PTPRD: variants seen among roughly 807,000 people sequenced by gnomAD.
The protein encoded by PTPRD is receptor-type tyrosine-protein phosphatase delta.
In PTPRD, 34 loss-of-function variants were observed where a neutral mutation model predicts 214.5. The ratio of observed to expected loss-of-function variants is 0.16; its 90% CI spans 0.12 to 0.21. The LOEUF (loss-of-function observed/expected upper bound fraction) is 0.21, where lower values mean the gene tolerates loss of function less well. PTPRD is among the 10% of genes least tolerant of loss of function. PTPRD has a pLI of 1.00. For missense variants in PTPRD, 2,545 were observed against 2,398.7 expected (o/e 1.06, Z -1.27); for synonymous variants, 1,128 against 845.7 (o/e 1.33, Z -5.79).
rs79344097 is a variant in PTPRD at position 9,608,666 on chromosome 9, T to A, written c.-286-33885A>T. Among the ~76,000 whole-genome samples the A allele has an allele frequency of 5.9e-5, 9 of 152,296 alleles. No homozygotes were observed. The East Asian group carries it at 1.7e-3, about 29-fold the overall frequency. On this transcript the variant is annotated intron_variant, in intron 7 of 45. Coordinates refer to ENST00000381196, the MANE Select transcript of PTPRD (RefSeq NM_002839.4). The stretch of plus-strand genomic sequence containing the variant: ...CATTCTGGCATAGAATCCTTACAAT[T>A]TATGTTTTTTGTCTCTGCACCTACT...
intron 2 of PTPRD, among the ~76,000 whole-genome samples, chr9:10,350,597 G>T (rs1029682797): frequency 1.1e-4 from 17 of 152,014 alleles, no homozygotes; most frequent in African/African-American, 4.1e-4. Flanking sequence ...TGAAACAGAG[G>T]TGCCAAAAGA....
At chr9:9,826,296 A>C (rs2821510) in intron 5 of PTPRD, among the ~76,000 whole-genome samples, 74,962 of 151,484 alleles carry the variant, frequency 0.49, 19,592 homozygotes, top group East Asian at 0.9. Context: ...TCTTTTATCT[A>C]TATTTCTTTC....
chr9:9,869,458 C>G (rs2064874990), intron 5 of PTPRD, among the ~76,000 whole-genome samples: 1 of 152,112 alleles, frequency 6.6e-6, no homozygotes, highest in Non-Finnish European at 1.5e-5. Context: ...TCTGTGGACA[C>G]TACCTGGACT....
intron 39 of PTPRD, among the ~76,000 whole-genome samples, chr9:8,352,579 C>T (rs1199118825): frequency 6.6e-6 from 1 of 152,100 alleles, no homozygotes; most frequent in African/African-American, 2.4e-5. Context: ...ATCACATGGA[C>T]TACGTACAAC....
At chr9:10,087,665 A>G (rs573381698) in intron 3 of PTPRD, among the ~76,000 whole-genome samples, 1 of 151,696 alleles carries the variant, frequency 6.6e-6, no homozygotes, top group Admixed American at 6.6e-5. Context: ...TTAAGCATTC[A>G]TCTTGCTTTG....
intron 10 of PTPRD, among the ~76,000 whole-genome samples, chr9:9,180,794 C>G: frequency 6.6e-6 from 1 of 152,054 alleles, no homozygotes; most frequent in East Asian, 1.9e-4. Context: ...ATCTAATACC[C>G]TAAATAAAGT....
At chr9:10,334,630 T>G (rs985132450) in intron 3 of PTPRD, among the ~76,000 whole-genome samples, 2 of 151,474 alleles carry the variant, frequency 1.3e-5, no homozygotes, top group African/African-American at 2.4e-5. Context: ...CGTCTTTGCT[T>G]GCGGATGACA....
At chr9:8,344,598 A>G (rs1268233522) in intron 39 of PTPRD, among the ~76,000 whole-genome samples, 1 of 152,046 alleles carries the variant, frequency 6.6e-6, no homozygotes, top group Non-Finnish European at 1.5e-5. Context: ...TAACTGCCCA[A>G]TCCTGCTATT....
rs932615272 is a variant in PTPRD at position 8,458,859 on chromosome 9, G to A, written c.3875+1552C>T. Among the ~76,000 whole-genome samples the A allele has an allele frequency of 7.2e-5, 11 of 151,890 alleles. No individual in the cohort carries two copies. The South Asian group carries it at 1.9e-3, about 26-fold the overall frequency. On this transcript the variant is annotated intron_variant, in intron 33 of 45. Transcript: ENST00000381196. The stretch of plus-strand genomic sequence containing the variant: ...TACTTTTTCAGCTATTTTACAGCAC[G>A]GATAATTGAATGATGGCAGTGTTCA...
At chr9:9,657,817 T>C (rs2096549347) in intron 7 of PTPRD, among the ~76,000 whole-genome samples, 1 of 152,152 alleles carries the variant, frequency 6.6e-6, no homozygotes, top group Non-Finnish European at 1.5e-5. Context: ...GTCTATGCCA[T>C]ATGCTTTAGA....
chr9:10,062,666 G>A (rs939504208), intron 3 of PTPRD, among the ~76,000 whole-genome samples: 10 of 151,926 alleles, frequency 6.6e-5, no homozygotes, highest in African/African-American at 2.2e-4. Context: ...TTAAGTAGCC[G>A]ATAGCACTTA....
At chr9:9,348,959 G>T (rs1358995323) in intron 9 of PTPRD, among the ~76,000 whole-genome samples, 1 of 151,956 alleles carries the variant, frequency 6.6e-6, no homozygotes, top group Non-Finnish European at 1.5e-5. Context: ...TATTTTAATA[G>T]GAAGTAGTGT....
intron 2 of PTPRD, among the ~76,000 whole-genome samples, chr9:10,446,835 C>T (rs2098803474): frequency 6.6e-6 from 1 of 151,990 alleles, no homozygotes; most frequent in South Asian, 2.1e-4. Context: ...AAAAGAAATG[C>T]AAAAAGGTTT....
At chr9:8,812,651 C>G (rs1398997435) in intron 11 of PTPRD, among the ~76,000 whole-genome samples, 1 of 151,944 alleles carries the variant, frequency 6.6e-6, no homozygotes, top group African/African-American at 2.4e-5. Context: ...CCATGTTGAC[C>G]TTCAACCCAC....
At chr9:8,331,269 A>G (rs1003382430) in intron 44 of PTPRD, among the ~76,000 whole-genome samples, 1 of 152,190 alleles carries the variant, frequency 6.6e-6, no homozygotes, top group Non-Finnish European at 1.5e-5. Flanking sequence ...AGCAAATATG[A>G]AATGATTAAC....
chr9:9,521,215 A>G (rs1420737180), intron 8 of PTPRD, among the ~76,000 whole-genome samples: 4 of 152,090 alleles, frequency 2.6e-5, no homozygotes, highest in Admixed American at 2.6e-4. Context: ...GTACTGAACA[A>G]AGTCGCTACA....
intron 11 of PTPRD, among the ~76,000 whole-genome samples, chr9:8,904,573 G>A (rs2098694365): frequency 6.6e-6 from 1 of 151,664 alleles, no homozygotes; most frequent in South Asian, 2.1e-4. Context: ...TCTGGAGGCT[G>A]AGGCATGGGA....
At chr9:10,164,972 C>G (rs541267786) in intron 3 of PTPRD, among the ~76,000 whole-genome samples, 8 of 150,890 alleles carry the variant, frequency 5.3e-5, no homozygotes, top group African/African-American at 1.9e-4. Context: ...CCTGAACTAT[C>G]CAAAAGTCAT....
intron 12 of PTPRD, among the ~76,000 whole-genome samples, chr9:8,704,307 C>G (rs2098152719): frequency 6.6e-6 from 1 of 151,948 alleles, no homozygotes; most frequent in South Asian, 2.1e-4. Flanking sequence ...GGTTTCCTCT[C>G]AGTAATATAA....
Sources: gnomAD v4.1 joint callset for allele counts (sites outside exome capture counted in the v4.1 genomes callset) on GRCh38, gnomAD v4.1.1 for gene constraint, MANE v1.5 for transcripts, NCBI Gene and HGNC (gene_info 2026-07-23, HGNC 2026-07-21) for gene names.